TRIM5: variants seen among roughly 807,000 people sequenced by gnomAD.
The protein encoded by TRIM5 is tripartite motif containing 5.
A neutral mutation model predicts 35.6 loss-of-function variants in TRIM5; 31 were observed. The observed-to-expected ratio is 0.87, with a 90% CI of 0.65 to 1.18. The LOEUF is 1.18. Among genes scored for constraint, TRIM5 ranks in the 50% most tolerant of loss-of-function variants. The probability of loss-of-function intolerance (pLI) is 0.00; values close to 1 mark genes in which losing one functional copy is unlikely to be tolerated. For missense variants in TRIM5, 609 were observed against 591.6 expected (o/e 1.03, Z -0.31); for synonymous variants, 243 against 215.6 (o/e 1.13, Z -1.11).
At chr11:5,599,668 G>A in the TRIM5 span, among the ~76,000 whole-genome samples, 7 of 152,084 alleles carry the variant, frequency 4.6e-5, no homozygotes, top group Non-Finnish European at 7.4e-5. Flanking sequence ...CTCCCAAAGT[G>A]CTGGGATTAC....
chr11:5,598,612 T>G, the TRIM5 span, among the ~76,000 whole-genome samples: 926 of 152,308 alleles, frequency 6.1e-3, 12 homozygotes, highest in African/African-American at 0.021. Context: ...ATAAGATCCT[T>G]TAACTTTTTT....
At chr11:5,593,385 T>C in the TRIM5 span, among the ~76,000 whole-genome samples, 1 of 152,206 alleles carries the variant, frequency 6.6e-6, no homozygotes, top group African/African-American at 2.4e-5. Context: ...CTAACACTGC[T>C]TTCAAACAAG....
At chr11:5,652,896 G>C in the TRIM5 span, among the ~76,000 whole-genome samples, 15 of 147,648 alleles carry the variant, frequency 1.0e-4, no homozygotes, top group South Asian at 3.2e-3. Context: ...CTGTTGCCTA[G>C]GCTGGAGTGC....
At chr11:5,634,932 G>A in the TRIM5 span, 5 of 1,523,600 alleles carry the variant, frequency 3.3e-6, no homozygotes, top group Non-Finnish European at 4.4e-6. Context: ...TCTCATCCTG[G>A]TGGTGACACT....
At chr11:5,603,459 T>C in the TRIM5 span, 2 of 1,613,820 alleles carry the variant, frequency 1.2e-6, no homozygotes, top group East Asian at 4.5e-5. Flanking sequence ...CAGTGATTGG[T>C]CAAGAAGGGG....
chr11:5,634,526 C>CATATATATATATATATAT, the TRIM5 span: 1 of 651,142 alleles, frequency 1.5e-6, no homozygotes, highest in African/African-American at 2.3e-5. Context: ...CACACACACA[C>CATATATATATATATATAT]ACACATATAT....
the TRIM5 span, among the ~76,000 whole-genome samples, chr11:5,653,289 A>G: frequency 2.0e-5 from 3 of 152,036 alleles, no homozygotes; most frequent in Non-Finnish European, 4.4e-5. Flanking sequence ...GTTTGAATCT[A>G]ATGTGCCTTG....
the TRIM5 span, chr11:5,603,392 G>A: frequency 6.2e-7 from 1 of 1,614,096 alleles, no homozygotes; most frequent in Admixed American, 1.7e-5. Context: ...GAACCCCTGA[G>A]CATAGACTGT....
At chr11:5,650,364 G>T in the TRIM5 span, among the ~76,000 whole-genome samples, 22 of 152,296 alleles carry the variant, frequency 1.4e-4, no homozygotes, top group African/African-American at 5.1e-4. Flanking sequence ...ACTTTTTAAA[G>T]TTCTGCCTAT....
the TRIM5 span, among the ~76,000 whole-genome samples, chr11:5,601,757 C>T: frequency 6.6e-6 from 1 of 152,078 alleles, no homozygotes; most frequent in Admixed American, 6.5e-5. Context: ...GACTCAGTTT[C>T]AACAACAACA....
Position 5,679,926 on chromosome 11 carries a change from C to T in TRIM5, c.252G>A (p.Lys84=), listed in dbSNP as rs1241604211. Residue 84 remains lysine, a synonymous_variant, in exon 2 of 8, where the codon AAG becomes AAA. Coordinates refer to ENST00000380034, the MANE Select transcript of TRIM5 (RefSeq NM_033034.3). ...ANIVEKLREV[K]LSPEGQKVDH... ...CAACTTTCTGCCCCTCTGGGCTCAA[C>T]TTGACCTCCCTGAGCTTCTCCACTA... The T allele has an allele frequency of 6.8e-6, 11 of 1,614,026 alleles. No individual in the cohort carries two copies. Among genetic ancestry groups the T allele is most frequent in the African/African-American group, 1.3e-5 (1 of 74,912 alleles).
rs1157293689 is a variant in TRIM5 at position 5,664,948 on chromosome 11, G to A, written c.1343C>T (p.Thr448Ile). 3.1e-6 allele frequency: 5 copies of A among 1,613,898 alleles called. No individual in the cohort carries two copies. The highest frequency in any genetic ancestry group is 4.2e-6 in the Non-Finnish European group (5 of 1,180,004). Reference sequence around the variant, plus strand: ...GTTTGTGATATTGAAGAATGAGACAGTGCAAGCCTCATAGTCTAGGAAAAC... The same window carrying A: ...GTTTGTGATATTGAAGAATGAGACAATGCAAGCCTCATAGTCTAGGAAAAC... ...VGVFLDYEACTVSFFNITNHG... is the reference protein window; with the variant it reads ...VGVFLDYEACIVSFFNITNHG... Residue 448 changes from threonine (T) to isoleucine (I), a missense_variant, in exon 8 of 8, where the codon ACT becomes ATT. Physicochemically the swap from Thr to Ile is moderately conservative, Grantham distance 89. Transcript: ENST00000380034.
chr11:5,593,113 A>G, the TRIM5 span, among the ~76,000 whole-genome samples: 175 of 152,226 alleles, frequency 1.1e-3, no homozygotes, highest in African/African-American at 3.9e-3. Context: ...CCTCTGGAAC[A>G]AGAGGTGTTT....
At chr11:5,634,341 T>C in the TRIM5 span, among the ~76,000 whole-genome samples, 2 of 151,966 alleles carry the variant, frequency 1.3e-5, no homozygotes, top group Admixed American at 6.6e-5. Flanking sequence ...TTTGAGGTCA[T>C]TGTTTTGGTA....
At chr11:5,632,757 A>G in the TRIM5 span, 1 of 1,550,176 alleles carries the variant, frequency 6.5e-7, no homozygotes, top group South Asian at 1.1e-5. Context: ...AATGTCAGGT[A>G]GGGCCCTAGA....
At chr11:5,589,992 G>C in the TRIM5 span, 1 of 155,800 alleles carries the variant, frequency 6.4e-6, no homozygotes, top group Non-Finnish European at 1.4e-5. Context: ...CTGCCCTGCC[G>C]GCCCGGGCAA....
At chr11:5,603,215 T>C in the TRIM5 span, 1 of 1,598,584 alleles carries the variant, frequency 6.3e-7, no homozygotes, top group South Asian at 1.1e-5. Flanking sequence ...TTTCTTACCC[T>C]GATCCTTTTT....
chr11:5,617,839 C>CTT, the TRIM5 span, among the ~76,000 whole-genome samples: 17 of 151,284 alleles, frequency 1.1e-4, 1 homozygote, highest in African/African-American at 4.1e-4. Flanking sequence ...TGTCATTATC[C>CTT]TTTTTTTAAA....
chr11:5,643,528 C>T, the TRIM5 span: 1 of 1,614,158 alleles, frequency 6.2e-7, no homozygotes, highest in African/African-American at 1.3e-5. Context: ...ATGGCTGTGC[C>T]TCCCTGCCGT....
Sources: gnomAD v4.1 joint callset for allele counts (sites outside exome capture counted in the v4.1 genomes callset) on GRCh38, gnomAD v4.1.1 for gene constraint, MANE v1.5 for transcripts, NCBI Gene and HGNC (gene_info 2026-07-23, HGNC 2026-07-21) for gene names.